Variants in MYO5B observed in about 807,000 individuals in gnomAD.
MYO5B encodes the protein unconventional myosin-Vb.
In MYO5B, 143 loss-of-function variants were observed where a neutral mutation model predicts 229.3. The ratio of observed to expected loss-of-function variants is 0.62; its 90% CI spans 0.54 to 0.72. The LOEUF (loss-of-function observed/expected upper bound fraction) is 0.72, where lower values mean the gene tolerates loss of function less well. Among genes scored for constraint, MYO5B ranks in the 30% least tolerant of loss-of-function variants. The probability of loss-of-function intolerance (pLI) is 0.00; values close to 1 mark genes in which losing one functional copy is unlikely to be tolerated. For missense variants in MYO5B, 2,321 were observed against 2,331.0 expected (o/e 1.00, Z 0.09); for synonymous variants, 918 against 885.2 (o/e 1.04, Z -0.66).
chr18:49,829,182 G>A (rs965225728), intron 39 of MYO5B, among the ~76,000 whole-genome samples: 2 of 151,420 alleles, frequency 1.3e-5, no homozygotes, highest in Admixed American at 1.3e-4. Context: ...AGGTTCAAGT[G>A]ATTCTCCTGC....
chr18:49,885,403 G>A (rs927501167), intron 22 of MYO5B, among the ~76,000 whole-genome samples: 1 of 152,138 alleles, frequency 6.6e-6, no homozygotes, highest in African/African-American at 2.4e-5. Context: ...GAGGAGAGAT[G>A]ACCATACAGA....
At chr18:50,183,607 G>A (rs1229322078) in intron 1 of MYO5B, among the ~76,000 whole-genome samples, 2 of 151,950 alleles carry the variant, frequency 1.3e-5, no homozygotes, top group African/African-American at 2.4e-5. Context: ...CCAAGGCCCT[G>A]AGAATGAAAG....
At chr18:49,867,967 A>T (rs1394669710) in intron 27 of MYO5B, among the ~76,000 whole-genome samples, 1 of 152,210 alleles carries the variant, frequency 6.6e-6, no homozygotes, top group Non-Finnish European at 1.5e-5. Flanking sequence ...TATAAAAGTA[A>T]AACATGAGAG....
At chr18:50,125,383 A>AG (rs1568116603) in intron 1 of MYO5B, among the ~76,000 whole-genome samples, 1 of 60,216 alleles carries the variant, frequency 1.7e-5, no homozygotes, top group African/African-American at 6.7e-5. Flanking sequence ...GGGTGGGGGG[A>AG]GGGGGAAGGG....
chr18:49,837,923 T>C lies in MYO5B; in HGVS notation c.4853-121A>G, dbSNP rs2024010248. On this transcript the variant is annotated intron_variant, in intron 36 of 39. Transcript: ENST00000285039. ...GATACCATCCAGAGGTGTGCAATGT[T>C]GACATGCTTAGGAACTTATAACATT... The C allele has an allele frequency of 2.3e-6, 3 of 1,317,284 alleles. No homozygotes were observed. In the African/African-American group the frequency reaches 4.4e-5, roughly 19 times the overall value. 81.6% of individuals were successfully genotyped at this position (1,317,284 alleles called of 1,614,324 possible).
chr18:49,989,450 C>T (rs930761779), intron 7 of MYO5B, among the ~76,000 whole-genome samples: 1 of 152,114 alleles, frequency 6.6e-6, no homozygotes, highest in East Asian at 1.9e-4. Context: ...TCCCCACATG[C>T]CCCCAAAACA....
intron 4 of MYO5B, among the ~76,000 whole-genome samples, chr18:50,031,231 T>C (rs545261397): frequency 4.6e-5 from 7 of 152,300 alleles, no homozygotes; most frequent in Admixed American, 1.3e-4. Context: ...GCAGGAAGCA[T>C]TGGGCAATCA....
At chr18:50,156,700 A>AG (rs1336193531) in intron 1 of MYO5B, among the ~76,000 whole-genome samples, 7 of 152,222 alleles carry the variant, frequency 4.6e-5, no homozygotes, top group Non-Finnish European at 1.0e-4. Flanking sequence ...CCACTTTCTT[A>AG]GGTACAAAAA....
At chr18:49,979,207 T>A (rs1276329587) in intron 9 of MYO5B, among the ~76,000 whole-genome samples, 2 of 152,090 alleles carry the variant, frequency 1.3e-5, no homozygotes, top group East Asian at 3.9e-4. Context: ...TCCTTCCCCC[T>A]AAGGTGAGCA....
At chr18:49,929,702 C>T in intron 16 of MYO5B, 104 bp from the exon 17 acceptor site, 1 of 987,150 alleles carries the variant, frequency 1.0e-6, no homozygotes, top group Non-Finnish European at 1.5e-6. Flanking sequence ...TGTGAAGTAC[C>T]TGCTGCCACT....
intron 1 of MYO5B, among the ~76,000 whole-genome samples, chr18:50,144,208 C>T (rs374802863): frequency 6.6e-6 from 1 of 152,238 alleles, no homozygotes; most frequent in East Asian, 1.9e-4. Flanking sequence ...ATTAAGAAAG[C>T]AACCAGATGG....
At chr18:49,912,305 C>T (rs2024967494) in intron 17 of MYO5B, 132 bp from the exon 18 acceptor site, 1 of 759,374 alleles carries the variant, frequency 1.3e-6, no homozygotes, top group Non-Finnish European at 2.4e-6. Flanking sequence ...CAGCAAAGAA[C>T]AGTCCCAGGG....
Position 49,823,147 on chromosome 18 carries a change from A to G in MYO5B, c.*3324T>C, listed in dbSNP as rs2023791487. On this transcript the variant is annotated 3_prime_UTR_variant, in exon 40 of 40. Coordinates refer to ENST00000285039, the MANE Select transcript of MYO5B (RefSeq NM_001080467.3). ...AGAATTAGAAATTTTTTGAAAAACA[A>G]TCTTTTGTATCTAATGACCTTTATA... 6.6e-6 allele frequency: 1 copy of G among 152,262 alleles called. No individual in the cohort carries two copies. Among genetic ancestry groups the G allele is most frequent in the African/African-American group, 2.4e-5 (1 of 41,468 alleles). 9.4% of individuals were successfully genotyped at this position (152,262 alleles called of 1,614,324 possible).
chr18:49,959,537 G>A (rs1487302241), intron 12 of MYO5B, among the ~76,000 whole-genome samples: 3 of 152,180 alleles, frequency 2.0e-5, no homozygotes, highest in Non-Finnish European at 4.4e-5. Flanking sequence ...CCCACTGAGT[G>A]AGCTGATTTC....
chr18:49,965,531 C>T (rs1051907440), intron 10 of MYO5B, among the ~76,000 whole-genome samples: 3 of 151,934 alleles, frequency 2.0e-5, no homozygotes, highest in Admixed American at 2.0e-4. Context: ...ACGGCAGTGG[C>T]CCCACTAATG....
intron 7 of MYO5B, among the ~76,000 whole-genome samples, chr18:49,987,661 G>C (rs532579697): frequency 1.3e-5 from 2 of 152,210 alleles, no homozygotes; most frequent in East Asian, 3.9e-4. Context: ...CATCACCTGG[G>C]GAGGCTATGC....
rs1238518638 is a variant in MYO5B, at chr18:50,122,663, G to A, written c.28-67285C>T. On this transcript the variant is annotated intron_variant, in intron 1 of 39. Coordinates refer to ENST00000285039, the MANE Select transcript of MYO5B (RefSeq NM_001080467.3). ...AGAGAGAGAGAGAGAGAGAGAGAGA[G>A]AGAGAGAGAGAGAGAGAGAGAGACT... Among the ~76,000 whole-genome samples, 3 of 35,132 alleles carry A rather than the reference G, an allele frequency of 8.5e-5. 1 individual carries two copies. The highest frequency in any genetic ancestry group is 1.8e-4 in the Non-Finnish European group (3 of 16,556). The allele number at this position is 35,132 out of a possible 152,430, so 23.0% of individuals were successfully genotyped here.
At chr18:49,986,473 A>G (rs2025872007) in intron 7 of MYO5B, among the ~76,000 whole-genome samples, 2 of 152,230 alleles carry the variant, frequency 1.3e-5, no homozygotes, top group South Asian at 4.1e-4. Context: ...GTTGTACTCT[A>G]TGAGTGAAGG....
intron 1 of MYO5B, among the ~76,000 whole-genome samples, chr18:50,167,300 C>T (rs2032865678): frequency 1.3e-5 from 2 of 152,216 alleles, no homozygotes; most frequent in Admixed American, 1.3e-4. Flanking sequence ...GTGCTGGGTG[C>T]TTTCACAAGC....
Sources: gnomAD v4.1 joint callset for allele counts (sites outside exome capture counted in the v4.1 genomes callset) on GRCh38, gnomAD v4.1.1 for gene constraint, MANE v1.5 for transcripts, NCBI Gene and HGNC (gene_info 2026-07-23, HGNC 2026-07-21) for gene names.